Variants in SAMD3 observed in about 807,000 individuals in gnomAD.
The protein encoded by SAMD3 is sterile alpha motif domain-containing protein 3.
Under a neutral mutation model 58.5 loss-of-function variants are expected in SAMD3, and 63 were observed. The observed-to-expected ratio is 1.08, with a 90% confidence interval of 0.88 to 1.33. The LOEUF (loss-of-function observed/expected upper bound fraction) is 1.33. Ranked by LOEUF, SAMD3 falls within the 40% of genes most tolerant of loss-of-function variation. The pLI is 0.00. For missense variants in SAMD3, 604 were observed against 608.4 expected (o/e 0.99, Z 0.08); for synonymous variants, 220 against 210.3 (o/e 1.05, Z -0.40).
intron 2 of SAMD3, among the ~76,000 whole-genome samples, chr6:130,295,701 C>A (rs941373581): frequency 6.6e-6 from 1 of 152,096 alleles, no homozygotes; most frequent in Non-Finnish European, 1.5e-5. Flanking sequence ...CCCCCCTCTC[C>A]CAGACCCAGG....
chr6:130,326,132 G>C (rs909264975), intron 1 of SAMD3, among the ~76,000 whole-genome samples: 1 of 152,158 alleles, frequency 6.6e-6, no homozygotes, highest in South Asian at 2.1e-4. Flanking sequence ...CTCGATCCTA[G>C]TTTAAGCATT....
At position 130,348,230 on chromosome 6, in the gene SAMD3, T is replaced by A. The variant is rs1025671449; in HGVS notation, c.-304+16890A>T. On this transcript the variant is annotated intron_variant, in intron 1 of 13. Transcript: ENST00000368134. ...AGCATCAAATTCACACATAACAATA[T>A]TAACCTTAAATGTAAATGGATTAAA... 7.2e-5 allele frequency among the ~76,000 whole-genome samples: 11 copies of A among 152,070 alleles called. 1 individual carries two copies. Among genetic ancestry groups the A allele is most frequent in the South Asian group, 2.1e-4 (1 of 4,820 alleles).
chr6:130,336,869 C>T (rs1427830426), intron 1 of SAMD3, among the ~76,000 whole-genome samples: 1 of 152,186 alleles, frequency 6.6e-6, no homozygotes, highest in East Asian at 1.9e-4. Context: ...AGTTTCTACA[C>T]ATGAATCAAT....
intron 9 of SAMD3, among the ~76,000 whole-genome samples, chr6:130,146,470 C>T (rs1788633624): frequency 6.6e-6 from 1 of 152,146 alleles, no homozygotes; most frequent in East Asian, 1.9e-4. Context: ...AGGGTGTATG[C>T]ATATGCAGGC....
At chr6:130,204,796 C>A (rs1794945245) in intron 5 of SAMD3, among the ~76,000 whole-genome samples, 1 of 139,562 alleles carries the variant, frequency 7.2e-6, no homozygotes. Flanking sequence ...AGCACACAAT[C>A]GGGATGGAAT....
chr6:130,302,969 G>A (rs899966136), intron 2 of SAMD3, among the ~76,000 whole-genome samples: 1 of 152,096 alleles, frequency 6.6e-6, no homozygotes, highest in African/African-American at 2.4e-5. Context: ...TACTATGTTC[G>A]CTGTTTGGGT....
intron 5 of SAMD3, among the ~76,000 whole-genome samples, chr6:130,187,563 GA>G (rs1793121289): frequency 6.6e-6 from 1 of 151,934 alleles, no homozygotes; most frequent in African/African-American, 2.4e-5. Context: ...TATTACACAC[GA>G]AAAGTGACTC....
intron 7 of SAMD3, among the ~76,000 whole-genome samples, chr6:130,179,188 C>T (rs145927904): frequency 6.6e-6 from 1 of 152,084 alleles, no homozygotes; most frequent in Non-Finnish European, 1.5e-5. Context: ...CTGATAGGAA[C>T]AGAAAAAGGA....
At chr6:130,196,193 A>T (rs1794096601) in intron 5 of SAMD3, among the ~76,000 whole-genome samples, 2 of 152,186 alleles carry the variant, frequency 1.3e-5, no homozygotes, top group Admixed American at 1.3e-4. Flanking sequence ...CTGCCCCCCT[A>T]ATACTTTCAG....
chr6:130,153,524 C>A (rs982970731), intron 9 of SAMD3, among the ~76,000 whole-genome samples: 1 of 151,218 alleles, frequency 6.6e-6, no homozygotes, highest in Non-Finnish European at 1.5e-5. Context: ...TCGGGTAAAA[C>A]CTTTGATGAT....
intron 2 of SAMD3, among the ~76,000 whole-genome samples, chr6:130,279,075 T>A (rs1361509954): frequency 1.3e-5 from 2 of 152,190 alleles, no homozygotes; most frequent in Non-Finnish European, 2.9e-5. Context: ...TATTTCACCA[T>A]CATGAGTCTC....
chr6:130,147,215 A>G (rs1788719592), intron 9 of SAMD3, among the ~76,000 whole-genome samples: 1 of 152,226 alleles, frequency 6.6e-6, no homozygotes, highest in South Asian at 2.1e-4. Flanking sequence ...CTAAAACTAT[A>G]AAGAACAATC....
chr6:130,218,064 T>C (rs1335856043), intron 1 of SAMD3, among the ~76,000 whole-genome samples: 1 of 152,192 alleles, frequency 6.6e-6, no homozygotes, highest in Admixed American at 6.5e-5. Flanking sequence ...TGGGAGGTGA[T>C]AGTGTTGTAG....
chr6:130,199,124 C>G (rs983930784), intron 5 of SAMD3, among the ~76,000 whole-genome samples: 2 of 152,206 alleles, frequency 1.3e-5, no homozygotes, highest in African/African-American at 2.4e-5. Context: ...AATACACATC[C>G]TGGCTACAGG....
chr6:130,232,736 C>CA (rs5880010), intron 2 of SAMD3, among the ~76,000 whole-genome samples: 1 of 152,028 alleles, frequency 6.6e-6, no homozygotes, highest in Admixed American at 6.6e-5. Flanking sequence ...TGAGGCATCA[C>CA]AAAAAAACAA....
intron 1 of SAMD3, among the ~76,000 whole-genome samples, chr6:130,339,510 C>T (rs1031220654): frequency 2.6e-5 from 4 of 152,166 alleles, no homozygotes. Context: ...GTTCTTCCTT[C>T]ACATACTCTT....
chr6:130,292,967 T>C (rs1236151783), intron 2 of SAMD3, among the ~76,000 whole-genome samples: 5 of 152,234 alleles, frequency 3.3e-5, no homozygotes, highest in African/African-American at 1.2e-4. Context: ...GTGTATGTGA[T>C]TCACAATGTC....
chr6:130,221,334 T>G (rs1283474916), intron 1 of SAMD3, among the ~76,000 whole-genome samples: 1 of 151,948 alleles, frequency 6.6e-6, no homozygotes, highest in African/African-American at 2.4e-5. Flanking sequence ...ATTGATAGAT[T>G]TGACTAAAAA....
At chr6:130,241,735 T>C (rs542562273) in intron 2 of SAMD3, among the ~76,000 whole-genome samples, 12 of 151,972 alleles carry the variant, frequency 7.9e-5, no homozygotes, top group Middle Eastern at 3.4e-3. Flanking sequence ...AAAAGGAGAG[T>C]GTTTGATGTT....
Sources: allele counts gnomAD v4.1 joint callset (sites outside exome capture counted in the v4.1 genomes callset), GRCh38; gene constraint gnomAD v4.1.1; transcripts MANE v1.5; gene names NCBI Gene and HGNC (gene_info 2026-07-23, HGNC 2026-07-21).